Variants in LRMDA observed in about 807,000 individuals in gnomAD.
LRMDA encodes leucine-rich melanocyte differentiation-associated protein.
LRMDA carries 18 observed loss-of-function variants against 29.8 expected under a neutral mutation model. The observed-to-expected ratio is 0.60, with a 90% CI of 0.42 to 0.90. The LOEUF is 0.90. Ranked by LOEUF, LRMDA falls within the 40% of genes least tolerant of loss-of-function variation. The probability of loss-of-function intolerance (pLI) is 0.00; values close to 1 mark genes in which losing one functional copy is unlikely to be tolerated. For missense variants in LRMDA, 273 were observed against 273.9 expected, an observed-to-expected ratio of 1.00 and a Z score of 0.02; for synonymous variants, 125 against 109.4, an observed-to-expected ratio of 1.14 and a Z score of -0.89.
intron 6 of LRMDA, among the ~76,000 whole-genome samples, chr10:76,555,766 CAAAAA>C (rs60428922): frequency 6.1e-4 from 76 of 124,826 alleles, no homozygotes; most frequent in East Asian, 5.0e-3. Flanking sequence ...ACAAATTAAC[CAAAAA>C]AAAAAAAAAA....
chr10:76,020,551 T>C (rs542176474), intron 2 of LRMDA, among the ~76,000 whole-genome samples: 1 of 152,300 alleles, frequency 6.6e-6, no homozygotes, highest in South Asian at 2.1e-4. Flanking sequence ...TCAACCCCAG[T>C]GCAGGCCCCT....
chr10:76,442,195 A>T (rs548867661), intron 6 of LRMDA, among the ~76,000 whole-genome samples: 134 of 152,332 alleles, frequency 8.8e-4, no homozygotes, highest in African/African-American at 2.9e-3. Flanking sequence ...GGTTTTACGC[A>T]AGAAAATTAT....
At chr10:76,406,344 T>C (rs1841901449) in intron 6 of LRMDA, among the ~76,000 whole-genome samples, 2 of 152,098 alleles carry the variant, frequency 1.3e-5, no homozygotes, top group Non-Finnish European at 2.9e-5. Flanking sequence ...GGGAGAGAGG[T>C]GTGAATATCC....
chr10:76,551,696 C>A (rs1000704592), intron 6 of LRMDA, among the ~76,000 whole-genome samples: 1 of 151,972 alleles, frequency 6.6e-6, no homozygotes, highest in African/African-American at 2.4e-5. Flanking sequence ...TTTTAGGTAC[C>A]GGGTGTTAGA....
At chr10:76,216,039 T>C (rs151239982) in intron 5 of LRMDA, among the ~76,000 whole-genome samples, 73 of 152,296 alleles carry the variant, frequency 4.8e-4, no homozygotes, top group African/African-American at 1.6e-3. Context: ...AACTTGCTCA[T>C]CAAAAATCAG....
intron 2 of LRMDA, among the ~76,000 whole-genome samples, chr10:75,690,313 AT>A (rs1229710443): frequency 2.0e-5 from 3 of 151,160 alleles, no homozygotes; most frequent in African/African-American, 4.9e-5. Context: ...TGACTTCTAA[AT>A]TTTTTTTTAG....
chr10:75,972,452 C>A (rs754229031), intron 2 of LRMDA, among the ~76,000 whole-genome samples: 23 of 152,104 alleles, frequency 1.5e-4, no homozygotes, highest in African/African-American at 5.3e-4. Flanking sequence ...TTCCCCTTCT[C>A]ATTTTAAAAA....
rs73279291 is a variant in LRMDA at position 75,871,551 on chromosome 10, C to A, written c.132-164457C>A. 7.5e-3 allele frequency among the ~76,000 whole-genome samples: 1,136 copies of A among 152,238 alleles called. 17 individuals carry two copies. The highest frequency in any genetic ancestry group is 0.026 in the African/African-American group (1,064 of 41,538). ...AGAGCAGCAACCTTGATAATGCACC[C>A]TGATGTTGGATTTTCCTCCTCCCCT... On this transcript the variant is annotated intron_variant, in intron 2 of 6. Transcript: ENST00000611255.
intron 2 of LRMDA, among the ~76,000 whole-genome samples, chr10:76,011,186 G>A (rs1201578437): frequency 6.6e-6 from 1 of 152,182 alleles, no homozygotes; most frequent in Non-Finnish European, 1.5e-5. Flanking sequence ...AATTGTGGGA[G>A]CGTCATCAAA....
In LRMDA at chr10:75,568,827, A is replaced by C. The variant is rs989995387; in HGVS notation, c.131+130333A>C. ...GGCCTGGAAGCAGCAGAAATTGCAT[A>C]GTTTGCTTCCTGGGAGATTGTAGCC... is the stretch of plus-strand genomic sequence containing the variant. On this transcript the variant is annotated intron_variant, in intron 2 of 6. Coordinates refer to ENST00000611255, the MANE Select transcript of LRMDA (RefSeq NM_001305581.2). 8.5e-5 allele frequency among the ~76,000 whole-genome samples: 13 copies of C among 152,328 alleles called. No individual in the cohort carries two copies. In the East Asian group the frequency reaches 9.6e-4, roughly 11 times the overall value.
At chr10:76,081,136 C>T (rs4746354) in intron 5 of LRMDA, among the ~76,000 whole-genome samples, 56,569 of 152,106 alleles carry the variant, frequency 0.37, 11,797 homozygotes, top group Non-Finnish European at 0.46. Context: ...TTTGTATTGG[C>T]TTCTAGTTAG....
At chr10:76,545,509 A>G (rs1193602516) in intron 6 of LRMDA, among the ~76,000 whole-genome samples, 4 of 151,994 alleles carry the variant, frequency 2.6e-5, no homozygotes, top group Admixed American at 2.6e-4. Context: ...TACTCCATAA[A>G]TGATGGTTCA....
intron 2 of LRMDA, among the ~76,000 whole-genome samples, chr10:75,855,724 C>T (rs895669870): frequency 9.9e-5 from 15 of 152,174 alleles, no homozygotes; most frequent in African/African-American, 3.6e-4. Context: ...TTTAATCCAT[C>T]TTGAATTAAT....
intron 2 of LRMDA, among the ~76,000 whole-genome samples, chr10:75,976,124 C>T (rs1847065275): frequency 6.6e-6 from 1 of 152,240 alleles, no homozygotes; most frequent in Non-Finnish European, 1.5e-5. Flanking sequence ...CTTCCATGGC[C>T]TACAAGGCCT....
At chr10:75,823,265 ACAAAC>A (rs1374580842) in intron 2 of LRMDA, among the ~76,000 whole-genome samples, 1 of 152,178 alleles carries the variant, frequency 6.6e-6, no homozygotes, top group Non-Finnish European at 1.5e-5. Context: ...AACAAAACAA[ACAAAC>A]CAAATAACCC....
At chr10:76,408,080 A>G (rs1841921219) in intron 6 of LRMDA, among the ~76,000 whole-genome samples, 1 of 152,234 alleles carries the variant, frequency 6.6e-6, no homozygotes, top group Non-Finnish European at 1.5e-5. Flanking sequence ...GCTTTTTATT[A>G]TATTCAGCAC....
intron 5 of LRMDA, among the ~76,000 whole-genome samples, chr10:76,207,508 G>A (rs1851558753): frequency 6.6e-6 from 1 of 152,168 alleles, no homozygotes; most frequent in South Asian, 2.1e-4. Flanking sequence ...ATTTTTGGTT[G>A]GGGGATGGGG....
At chr10:76,330,554 C>T (rs554911372) in intron 6 of LRMDA, among the ~76,000 whole-genome samples, 3 of 152,176 alleles carry the variant, frequency 2.0e-5, no homozygotes, top group South Asian at 2.1e-4. Context: ...ATTCTAGTTT[C>T]GATGACCCCA....
At chr10:76,196,200 T>C (rs1455306592) in intron 5 of LRMDA, among the ~76,000 whole-genome samples, 2 of 152,164 alleles carry the variant, frequency 1.3e-5, no homozygotes, top group Non-Finnish European at 2.9e-5. Context: ...AAGTGAAACA[T>C]TTAGTGTTTA....
Sources: allele counts gnomAD v4.1 joint callset (sites outside exome capture counted in the v4.1 genomes callset), GRCh38; gene constraint gnomAD v4.1.1; transcripts MANE v1.5; gene names NCBI Gene and HGNC (gene_info 2026-07-23, HGNC 2026-07-21).